CYP4V2: variants seen among roughly 807,000 people sequenced by gnomAD.
The protein encoded by CYP4V2 is cytochrome P450 family 4 subfamily V member 2.
In CYP4V2, 55 loss-of-function variants were observed where a neutral mutation model predicts 60.8. The observed-to-expected ratio is 0.90, with a 90% CI of 0.73 to 1.13. The LOEUF (loss-of-function observed/expected upper bound fraction) is 1.13, where lower values mean the gene tolerates loss of function less well. Ranked by LOEUF, CYP4V2 falls within the 50% of genes most tolerant of loss-of-function variation. CYP4V2 has a pLI of 0.00. For missense variants in CYP4V2, 675 were observed against 662.9 expected (o/e 1.02, Z -0.20); for synonymous variants, 239 against 236.8 (o/e 1.01, Z -0.08).
intron 10 of CYP4V2, 46 bp from the exon 11 acceptor site, chr4:186,210,423 G>C (rs1288047604): frequency 6.2e-7 from 1 of 1,612,222 alleles, no homozygotes; most frequent in Non-Finnish European, 8.5e-7. Context: ...TCTCACATTT[G>C]GGGTAAATCT....
chr4:186,206,898 A>C (rs1482346420), intron 8 of CYP4V2, among the ~76,000 whole-genome samples: 1 of 152,130 alleles, frequency 6.6e-6, no homozygotes, highest in East Asian at 1.9e-4. Flanking sequence ...TGAGTGGATA[A>C]ATTTGGTCTT....
intron 7 of CYP4V2, chr4:186,203,719 G>C (rs568441841): frequency 7.2e-5 from 11 of 152,372 alleles, no homozygotes; most frequent in African/African-American, 2.6e-4. Flanking sequence ...AGCACAACGG[G>C]CCGGAGCTCA....
chr4:186,208,977 TGTTAGTGAA>T lies in CYP4V2; in HGVS notation c.1205_1213del (p.Val402_Glu404del). Reference sequence around the variant, plus strand: ...CTTCTGTTCCTTTATTTGCCCGTAGTGTTAGTGAAGATTGTGAAGTGGGTAAGTATGCTA... The same window carrying T: ...CTTCTGTTCCTTTATTTGCCCGTAGTGATTGTGAAGTGGGTAAGTATGCTA... On this transcript the variant is annotated inframe_deletion, in exon 9 of 11. Coordinates refer to ENST00000378802, the MANE Select transcript of CYP4V2 (RefSeq NM_207352.4). 1 of 1,614,162 alleles carries T rather than the reference TGTTAGTGAA, an allele frequency of 6.2e-7. No individual in the cohort carries two copies. Among genetic ancestry groups the T allele is most frequent in the Non-Finnish European group, 8.5e-7 (1 of 1,180,036 alleles).
At chr4:186,200,097 A>G (rs1736263923) in intron 6 of CYP4V2, among the ~76,000 whole-genome samples, 1 of 152,176 alleles carries the variant, frequency 6.6e-6, no homozygotes, top group Admixed American at 6.5e-5. Context: ...GTGCATTAAT[A>G]TTTAATAGCA....
chr4:186,205,418 T>G, intron 8 of CYP4V2, 116 bp downstream of exon 8: 1 of 1,025,386 alleles, frequency 9.8e-7, no homozygotes, highest in Non-Finnish European at 1.5e-6. Context: ...TCCTTTCCAG[T>G]ACCATCCCCT....
In CYP4V2 at chr4:186,197,091, T is replaced by C; in HGVS notation, c.565T>C (p.Phe189Leu). ...KHINQEAFNC[F>L]FYITLCALDI... ...CATTAACCAAGAAGCATTTAACTGCTTTTTTTACATCACTCTTTGTGCCTT... is the reference window on the plus strand; with the variant it reads ...CATTAACCAAGAAGCATTTAACTGCCTTTTTTACATCACTCTTTGTGCCTT... The change falls in exon 4 of 11, where the codon TTT (phenylalanine) becomes CTT (leucine). Residue 189 changes from phenylalanine (F) to leucine (L), a missense_variant. By Grantham distance (22) the Phe-to-Leu change is conservative (BLOSUM62 0). Transcript: ENST00000378802. The C allele has an allele frequency of 6.2e-7, 1 of 1,613,682 alleles. No homozygotes were observed. Among genetic ancestry groups the C allele is most frequent in the Non-Finnish European group, 8.5e-7 (1 of 1,179,840 alleles).
At chr4:186,206,229 A>G (rs1264367817) in intron 8 of CYP4V2, among the ~76,000 whole-genome samples, 1 of 151,984 alleles carries the variant, frequency 6.6e-6, no homozygotes. Flanking sequence ...GTGTGTGTGC[A>G]TGTGTGTGCT....
At position 186,209,151 on chromosome 4, in the gene CYP4V2, A is replaced by G. The variant is rs759822875; in HGVS notation, c.1284A>G (p.Arg428=). 3 of 1,614,138 alleles carry G rather than the reference A, an allele frequency of 1.9e-6. No homozygotes were observed. Among genetic ancestry groups the G allele is most frequent in the South Asian group, 2.2e-5 (2 of 91,080 alleles). ...EAVIIPYALH[R]DPRYFPNPEE... ...TCATCATTCCCTATGCATTGCACAG[A>G]GATCCGAGATACTTCCCCAACCCCG... Residue 428 remains arginine (R), a synonymous_variant, in exon 10 of 11, where the codon AGA becomes AGG. Coordinates refer to ENST00000378802, the MANE Select transcript of CYP4V2 (RefSeq NM_207352.4).
At chr4:186,196,892 C>G (rs776588424) in intron 3 of CYP4V2, 48 bp from the exon 4 acceptor site, 9 of 1,571,702 alleles carry the variant, frequency 5.7e-6, no homozygotes, top group Admixed American at 1.7e-5. Context: ...CTCTTTCTCT[C>G]TCTCTCTCTG....
chr4:186,205,194 T>C lies in CYP4V2; in HGVS notation c.988-6T>C. On this transcript the variant is annotated splice_polypyrimidine_tract_variant and splice_region_variant and intron_variant, in intron 7 of 10. Coordinates refer to ENST00000378802, the MANE Select transcript of CYP4V2 (RefSeq NM_207352.4). ...CTTTTTAAGCTATTGTTTTCTGCAT[T>C]TGTAGGGGCACGATACAACTGCAGC... 1 of 1,614,150 alleles carries C rather than the reference T, an allele frequency of 6.2e-7. No individual in the cohort carries two copies.
At chr4:186,192,630 A>G (rs1192166173) in intron 1 of CYP4V2, among the ~76,000 whole-genome samples, 8 of 152,188 alleles carry the variant, frequency 5.3e-5, no homozygotes, top group African/African-American at 7.2e-5. Context: ...CTTGTTTATT[A>G]AAGAGTGAAT....
chr4:186,194,746 A>G lies in CYP4V2; in HGVS notation c.327+134A>G, dbSNP rs1298861618. ...AACATTCCACTAAGTATTTTAGACTATATAGGTGCAATTTAATGCTTTCCA... is the reference window on the plus strand; with the variant it reads ...AACATTCCACTAAGTATTTTAGACTGTATAGGTGCAATTTAATGCTTTCCA... On this transcript the variant is annotated intron_variant, in intron 2 of 10. Transcript: ENST00000378802. The G allele has an allele frequency of 5.1e-6, 4 of 787,378 alleles. No individual in the cohort carries two copies. In the African/African-American group the frequency reaches 6.9e-5, roughly 14 times the overall value. The allele number at this position is 787,378 out of a possible 1,614,324, so 48.8% of individuals were successfully genotyped here. A position where few individuals can be genotyped will look rare whatever the true frequency, so the allele number is the denominator to read the frequency against.
chr4:186,209,285 C>A lies in CYP4V2; in HGVS notation c.1405+13C>A. On this transcript the variant is annotated intron_variant, in intron 10 of 10. Coordinates refer to ENST00000378802, the MANE Select transcript of CYP4V2 (RefSeq NM_207352.4). ...AGGAACTGTATAGGTTTGTATCCATCTGAATTGGTTTGACCTTTCAGGCCC... is the reference window on the plus strand; with the variant it reads ...AGGAACTGTATAGGTTTGTATCCATATGAATTGGTTTGACCTTTCAGGCCC... The A allele has an allele frequency of 1.2e-6, 2 of 1,613,826 alleles. No individual in the cohort carries two copies. Among genetic ancestry groups the A allele is most frequent in the Non-Finnish European group, 1.7e-6 (2 of 1,180,006 alleles).
At chr4:186,197,207 G>A (rs1736173998) in intron 4 of CYP4V2, 77 bp downstream of exon 4, 1 of 1,530,980 alleles carries the variant, frequency 6.5e-7, no homozygotes, top group Admixed American at 1.7e-5. Context: ...ACTCCACCGG[G>A]AAGGCAAATG....
chr4:186,193,393 T>C (rs1252077761), intron 1 of CYP4V2, among the ~76,000 whole-genome samples: 1 of 152,210 alleles, frequency 6.6e-6, no homozygotes, highest in African/African-American at 2.4e-5. Flanking sequence ...TGTAGTCACT[T>C]TCAGAGTGAA....
At chr4:186,206,964 A>T (rs536293434) in intron 8 of CYP4V2, among the ~76,000 whole-genome samples, 159 of 152,324 alleles carry the variant, frequency 1.0e-3, no homozygotes, top group African/African-American at 3.7e-3. Flanking sequence ...TCCCCTACAA[A>T]GTTTAGCTCA....
At chr4:186,202,503 T>C (rs542890640) in intron 7 of CYP4V2, 4 of 152,244 alleles carry the variant, frequency 2.6e-5, no homozygotes, top group Non-Finnish European at 5.9e-5. Flanking sequence ...GGCCCATAAG[T>C]ATGCGGCACA....
At chr4:186,209,989 T>C (rs1227051932) in intron 10 of CYP4V2, among the ~76,000 whole-genome samples, 2 of 152,250 alleles carry the variant, frequency 1.3e-5, no homozygotes, top group Non-Finnish European at 2.9e-5. Context: ...AAACAGCAAA[T>C]GCTTGCCATA....
At chr4:186,201,109 G>A in intron 6 of CYP4V2, 48 bp from the exon 7 acceptor site, 2 of 1,567,442 alleles carry the variant, frequency 1.3e-6, no homozygotes, top group Non-Finnish European at 1.8e-6. Flanking sequence ...TAACTAGGGT[G>A]CATCCAAGTC....
Sources: allele counts gnomAD v4.1 joint callset (sites outside exome capture counted in the v4.1 genomes callset), GRCh38; gene constraint gnomAD v4.1.1; transcripts MANE v1.5; gene names NCBI Gene and HGNC (gene_info 2026-07-23, HGNC 2026-07-21).